The following PLPP4 variants were observed in gnomAD, a reference collection of about 807,000 sequenced individuals.
The protein encoded by PLPP4 is diacylglycerol pyrophosphate like 2.
Under a neutral mutation model 32.2 loss-of-function variants are expected in PLPP4, and 20 were observed. That is an observed-to-expected ratio of 0.62 (90% CI 0.44 to 0.90). The LOEUF is 0.90. PLPP4 is among the 40% of genes least tolerant of loss of function. The pLI, the probability that PLPP4 is intolerant of heterozygous loss-of-function variation, is 0.00. For missense variants in PLPP4, 257 were observed against 353.1 expected (o/e 0.73, Z 2.18); for synonymous variants, 127 against 133.0 (o/e 0.95, Z 0.31).
chr10:120,532,331 T>C (rs1589831700), intron 5 of PLPP4, among the ~76,000 whole-genome samples: 1 of 152,270 alleles, frequency 6.6e-6, no homozygotes, highest in East Asian at 1.9e-4. Flanking sequence ...TTTGGGTTGG[T>C]TCCAAGTCTT....
intron 1 of PLPP4, among the ~76,000 whole-genome samples, chr10:120,463,172 G>A (rs984275028): frequency 2.6e-5 from 4 of 151,770 alleles, no homozygotes; most frequent in Non-Finnish European, 5.9e-5. Context: ...GACTACAGGT[G>A]CCCGCCACCA....
rs563931429 is a variant in PLPP4, at chr10:120,590,688, A to G, written c.*1186A>G. ...GGAGCATCCCCTTCATCCAATTCTGATTGGATGTACCATGTGGTTGTTCAG... is the reference window on the plus strand; with the variant it reads ...GGAGCATCCCCTTCATCCAATTCTGGTTGGATGTACCATGTGGTTGTTCAG... On this transcript the variant is annotated 3_prime_UTR_variant, in exon 7 of 7. Coordinates refer to ENST00000398250, the MANE Select transcript of PLPP4 (RefSeq NM_001030059.3). 3.6e-4 allele frequency among the ~76,000 whole-genome samples: 54 copies of G among 149,916 alleles called. No homozygotes were observed. Among genetic ancestry groups the G allele is most frequent in the African/African-American group, 1.3e-3 (53 of 40,886 alleles).
intron 1 of PLPP4, among the ~76,000 whole-genome samples, chr10:120,487,902 A>G (rs528926257): frequency 3.3e-5 from 5 of 152,178 alleles, no homozygotes; most frequent in African/African-American, 1.2e-4. Context: ...CTGGTCCTTG[A>G]CTGTTTCCCA....
chr10:120,521,378 G>A (rs1846147953), intron 5 of PLPP4, among the ~76,000 whole-genome samples: 1 of 152,070 alleles, frequency 6.6e-6, no homozygotes, highest in African/African-American at 2.4e-5. Context: ...TTAGGACAAG[G>A]GAATTCTCTA....
intron 5 of PLPP4, among the ~76,000 whole-genome samples, chr10:120,553,853 C>T (rs760464247): frequency 1.9e-4 from 29 of 152,170 alleles, no homozygotes; most frequent in East Asian, 5.8e-4. Context: ...GCCTGGCCCA[C>T]GAGAAACTAT....
In PLPP4 at chr10:120,548,740, AT is replaced by A. The variant is rs1847749656; in HGVS notation, c.446-26384del. 2.6e-5 allele frequency among the ~76,000 whole-genome samples: 4 copies of A among 151,760 alleles called. No individual in the cohort carries two copies. In the South Asian group the frequency reaches 8.3e-4, roughly 32 times the overall value. On this transcript the variant is annotated intron_variant, in intron 5 of 6. Transcript: ENST00000398250. ...TTCCACAACCTCGCCAACATCTGTT[AT>A]TTTTTTACTTTTTAATAGTAACCAC...
At chr10:120,517,860 C>A (rs1296415202) in intron 3 of PLPP4, among the ~76,000 whole-genome samples, 1 of 152,186 alleles carries the variant, frequency 6.6e-6, no homozygotes, top group African/African-American at 2.4e-5. Context: ...AGCTCCTTCC[C>A]GAAAATGCCC....
intron 5 of PLPP4, among the ~76,000 whole-genome samples, chr10:120,573,205 T>G (rs1849025015): frequency 6.6e-6 from 1 of 152,204 alleles, no homozygotes; most frequent in Non-Finnish European, 1.5e-5. Context: ...TACGCAGAAG[T>G]GTTTCAATGC....
At chr10:120,475,006 AATTTACACCAG>A (rs1465906496) in intron 1 of PLPP4, among the ~76,000 whole-genome samples, 12 of 152,302 alleles carry the variant, frequency 7.9e-5, no homozygotes, top group African/African-American at 2.6e-4. Flanking sequence ...GTGTTGAAAC[AATTTACACCAG>A]ATTTGGATGG....
rs1848398451 is a variant in PLPP4, at chr10:120,468,539, T to A, written c.56+11178T>A. 3.0e-5 allele frequency among the ~76,000 whole-genome samples: 2 copies of A among 65,754 alleles called. 1 individual carries two copies. The allele number at this position is 65,754 out of a possible 152,430, so 43.1% of individuals were successfully genotyped here. A position where few individuals can be genotyped will look rare whatever the true frequency, so the allele number is the denominator to read the frequency against. On this transcript the variant is annotated intron_variant, in intron 1 of 6. Coordinates refer to ENST00000398250, the MANE Select transcript of PLPP4 (RefSeq NM_001030059.3). ...GTTATTTTGTGCTGATGGGATTATG[T>A]AATATTTGCTTTTTAAATGTTTATG...
At chr10:120,480,322 A>G (rs201162045) in intron 1 of PLPP4, among the ~76,000 whole-genome samples, 1 of 152,188 alleles carries the variant, frequency 6.6e-6, no homozygotes, top group South Asian at 2.1e-4. Flanking sequence ...TTGGCTGTGG[A>G]TGTGCATCTG....
chr10:120,537,992 TTCTCTC>T (rs1158226991), intron 5 of PLPP4, among the ~76,000 whole-genome samples: 372 of 18,906 alleles, frequency 0.02, 28 homozygotes, highest in East Asian at 0.034. Flanking sequence ...ACCAGGCCCT[TTCTCTC>T]TCTCTCTCTC....
chr10:120,463,331 A>G (rs1392816215), intron 1 of PLPP4, among the ~76,000 whole-genome samples: 1 of 152,072 alleles, frequency 6.6e-6, no homozygotes, highest in African/African-American at 2.4e-5. Flanking sequence ...CGGCCTAGAA[A>G]CAAGTTTCAA....
At chr10:120,521,621 C>T (rs1265104953) in intron 5 of PLPP4, among the ~76,000 whole-genome samples, 9 of 152,126 alleles carry the variant, frequency 5.9e-5, no homozygotes, top group Non-Finnish European at 8.8e-5. Flanking sequence ...AATCAGAAGC[C>T]GTGCAATGTA....
At chr10:120,565,715 A>G (rs1016316987) in intron 5 of PLPP4, among the ~76,000 whole-genome samples, 1 of 152,040 alleles carries the variant, frequency 6.6e-6, no homozygotes, top group Non-Finnish European at 1.5e-5. Context: ...GTGTCTTTCA[A>G]TATCCTGAGA....
chr10:120,521,389 C>T (rs891884213), intron 5 of PLPP4, among the ~76,000 whole-genome samples: 3 of 152,150 alleles, frequency 2.0e-5, no homozygotes, highest in East Asian at 1.9e-4. Flanking sequence ...GAATTCTCTA[C>T]GCTCCCTGGG....
intron 5 of PLPP4, among the ~76,000 whole-genome samples, chr10:120,525,869 A>T (rs1846365167): frequency 6.6e-6 from 1 of 152,100 alleles, no homozygotes; most frequent in Non-Finnish European, 1.5e-5. Flanking sequence ...GTGTCTCACC[A>T]TCTAAAGTCC....
At chr10:120,470,672 A>T (rs948391693) in intron 1 of PLPP4, among the ~76,000 whole-genome samples, 1 of 152,310 alleles carries the variant, frequency 6.6e-6, no homozygotes, top group South Asian at 2.1e-4. Context: ...TTGCAACTAA[A>T]TTCTATTCTG....
chr10:120,566,608 T>C (rs1302676457), intron 5 of PLPP4, among the ~76,000 whole-genome samples: 1 of 151,114 alleles, frequency 6.6e-6, no homozygotes, highest in Non-Finnish European at 1.5e-5. Flanking sequence ...AATGGTGCAG[T>C]CTCAGCCCAC....
Sources: allele counts gnomAD v4.1 joint callset (sites outside exome capture counted in the v4.1 genomes callset), GRCh38; gene constraint gnomAD v4.1.1; transcripts MANE v1.5; gene names NCBI Gene and HGNC (gene_info 2026-07-23, HGNC 2026-07-21).